The following DIP2B variants were observed in gnomAD, a reference collection of about 807,000 sequenced individuals.
The protein encoded by DIP2B is DIP2 acetate--CoA ligase B (putative).
DIP2B carries 76 observed loss-of-function variants against 198.0 expected under a neutral mutation model. That is an observed-to-expected ratio of 0.38 (90% CI 0.32 to 0.46). DIP2B has a LOEUF of 0.46. Ranked by LOEUF, DIP2B falls within the 20% of genes least tolerant of loss-of-function variation. The pLI is 0.99. For synonymous variants in DIP2B, 701 were observed against 739.1 expected (o/e 0.95, Z 0.84); for missense variants, 1,559 against 1,978.4 (o/e 0.79, Z 4.02).
chr12:50,512,107 CTT>C (rs35584870), intron 1 of DIP2B, among the ~76,000 whole-genome samples: 5 of 122,228 alleles, frequency 4.1e-5, no homozygotes, highest in Admixed American at 9.0e-5. Context: ...AATGTAAGCT[CTT>C]TTTTTTTTTT....
chr12:50,598,103 C>T (rs998126186), intron 1 of DIP2B, among the ~76,000 whole-genome samples: 1 of 152,084 alleles, frequency 6.6e-6, no homozygotes, highest in Non-Finnish European at 1.5e-5. Context: ...TCTTTAATGC[C>T]GTCAAGTCAT....
chr12:50,596,651 GC>G (rs1248846928), intron 1 of DIP2B, among the ~76,000 whole-genome samples: 1 of 152,146 alleles, frequency 6.6e-6, no homozygotes, highest in African/African-American at 2.4e-5. Context: ...GATTACTTGA[GC>G]CCAGGAGTTT....
At chr12:50,523,002 A>G (rs957247045) in intron 1 of DIP2B, among the ~76,000 whole-genome samples, 9 of 152,208 alleles carry the variant, frequency 5.9e-5, no homozygotes, top group Non-Finnish European at 4.4e-5. Flanking sequence ...TATATTTGGG[A>G]AAAAGAGAAA....
intron 1 of DIP2B, among the ~76,000 whole-genome samples, chr12:50,619,114 C>T (rs376950537): frequency 1.3e-5 from 2 of 152,102 alleles, no homozygotes; most frequent in East Asian, 1.9e-4. Flanking sequence ...CTTTTATTTC[C>T]ACTGGGGCAG....
At chr12:50,539,542 A>G (rs1346271134) in intron 1 of DIP2B, among the ~76,000 whole-genome samples, 5 of 149,932 alleles carry the variant, frequency 3.3e-5, no homozygotes, top group African/African-American at 1.2e-4. Context: ...CTTGAGCCTG[A>G]GAGGCGGAGG....
At chr12:50,694,786 A>T (rs1018185801) in intron 14 of DIP2B, among the ~76,000 whole-genome samples, 1 of 152,066 alleles carries the variant, frequency 6.6e-6, no homozygotes, top group East Asian at 1.9e-4. Context: ...AGTAGCAAAA[A>T]ATTGTCATTA....
chr12:50,659,390 C>A (rs573919726), intron 3 of DIP2B, among the ~76,000 whole-genome samples: 2 of 151,980 alleles, frequency 1.3e-5, no homozygotes, highest in Admixed American at 1.3e-4. Context: ...TGGATTAGGC[C>A]CATTCCTAGA....
chr12:50,704,148 A>G lies in DIP2B; in HGVS notation c.2334A>G (p.Pro778=). ...GVTKNTFEVI[P]VNSAGSPVGD... ...TTCATTTTGTCTCTTAGGTAATTCC[A>G]GTGAATTCTGCAGGCTCTCCTGTTG... The change falls in exon 20 of 38, where the codon CCA becomes CCG. Residue 778 remains proline, a synonymous_variant. Transcript: ENST00000301180. 6.2e-7 allele frequency: 1 copy of G among 1,608,006 alleles called. No homozygotes were observed. Among genetic ancestry groups the G allele is most frequent in the Non-Finnish European group, 8.5e-7 (1 of 1,178,878 alleles).
chr12:50,732,005 G>A (rs1159044450), intron 31 of DIP2B, among the ~76,000 whole-genome samples: 1 of 152,184 alleles, frequency 6.6e-6, no homozygotes, highest in Non-Finnish European at 1.5e-5. Flanking sequence ...TCTTTGGAAT[G>A]CAAAAAGAGA....
At position 50,718,649 on chromosome 12, in the gene DIP2B, C is replaced by A. The variant is rs1416644332; in HGVS notation, c.2852-60C>A. ...ACCAGTTTTGGTCAGTCTGGAAATG[C>A]TCTGGATACTTAGTTGGAATCGCCA... On this transcript the variant is annotated intron_variant, in intron 23 of 37. Coordinates refer to ENST00000301180, the MANE Select transcript of DIP2B (RefSeq NM_173602.3). 5.6e-6 allele frequency: 8 copies of A among 1,435,628 alleles called. No individual in the cohort carries two copies. The East Asian group carries it at 1.4e-4, about 25-fold the overall frequency. 88.9% of individuals were successfully genotyped at this position (1,435,628 alleles called of 1,614,324 possible).
intron 9 of DIP2B, among the ~76,000 whole-genome samples, chr12:50,681,158 C>G (rs1939033376): frequency 6.6e-6 from 1 of 152,118 alleles, no homozygotes; most frequent in South Asian, 2.1e-4. Context: ...GGGCTGGGTG[C>G]AGTGGTTCAC....
intron 1 of DIP2B, among the ~76,000 whole-genome samples, chr12:50,517,774 A>G (rs1298677578): frequency 6.6e-6 from 1 of 152,104 alleles, no homozygotes; most frequent in Non-Finnish European, 1.5e-5. Context: ...TTTCACTTGT[A>G]TGCTTTTGTA....
intron 1 of DIP2B, among the ~76,000 whole-genome samples, chr12:50,595,913 C>A (rs1036240471): frequency 6.6e-6 from 1 of 152,202 alleles, no homozygotes; most frequent in Non-Finnish European, 1.5e-5. Context: ...TGCCTTATCA[C>A]CCTCAAGGAG....
At chr12:50,735,932 GA>G (rs1461523573) in intron 34 of DIP2B, among the ~76,000 whole-genome samples, 8 of 152,226 alleles carry the variant, frequency 5.3e-5, no homozygotes, top group African/African-American at 1.9e-4. Context: ...AGATTTCTTA[GA>G]TTAGAATGAG....
intron 18 of DIP2B, 70 bp downstream of exon 18, chr12:50,698,537 A>C: frequency 6.5e-7 from 1 of 1,541,886 alleles, no homozygotes; most frequent in Non-Finnish European, 8.8e-7. Flanking sequence ...GCCTGATAAA[A>C]TACAGAATCC....
chr12:50,548,578 T>C (rs1373574785), intron 1 of DIP2B, among the ~76,000 whole-genome samples: 1 of 152,170 alleles, frequency 6.6e-6, no homozygotes, highest in Admixed American at 6.6e-5. Context: ...CAGGCTGGAG[T>C]GCAATGGCAC....
chr12:50,704,041 T>C, intron 19 of DIP2B, 99 bp from the exon 20 acceptor site: 1 of 984,524 alleles, frequency 1.0e-6, no homozygotes. Context: ...TATTACATTA[T>C]TTTTTCACTG....
In DIP2B at chr12:50,718,757, G is replaced by A. The variant is rs1201401269; in HGVS notation, c.2900G>A (p.Arg967His). ...GTTGGGAATCTGGTTGCTGGAAAAC[G>A]TATAGCACAAGCTGCTGGAAGGGAT... ...VMVGNLVAGKRIAQAAGRDLG... is the reference protein window; with the variant it reads ...VMVGNLVAGKHIAQAAGRDLG... Residue 967 changes from arginine to histidine, a missense_variant, in exon 24 of 38, where the codon CGT (arginine) becomes CAT (histidine). Physicochemically the swap from Arg to His is conservative, Grantham distance 29 (BLOSUM62 0). Coordinates refer to ENST00000301180, the MANE Select transcript of DIP2B (RefSeq NM_173602.3). 4.3e-6 allele frequency: 7 copies of A among 1,614,054 alleles called. No homozygotes were observed. The highest frequency in any genetic ancestry group is 2.2e-5 in the South Asian group (2 of 91,080).
chr12:50,566,442 T>TA (rs1958563708), intron 1 of DIP2B, among the ~76,000 whole-genome samples: 2 of 152,244 alleles, frequency 1.3e-5, no homozygotes, highest in South Asian at 4.1e-4. Flanking sequence ...CTGGTTTCAT[T>TA]ACATATAATG....
Sources: gnomAD v4.1 joint callset for allele counts (sites outside exome capture counted in the v4.1 genomes callset) on GRCh38, gnomAD v4.1.1 for gene constraint, MANE v1.5 for transcripts, NCBI Gene and HGNC (gene_info 2026-07-23, HGNC 2026-07-21) for gene names.